POU6F2: variants seen among roughly 807,000 people sequenced by gnomAD.
POU6F2 encodes POU class 6 homeobox 2, also known as POU domain, class 6, transcription factor 2.
In POU6F2, 31 loss-of-function variants were observed where a neutral mutation model predicts 71.3. That is an observed-to-expected ratio of 0.43 (90% CI 0.33 to 0.59). POU6F2 has a LOEUF of 0.59. POU6F2 is among the 20% of genes least tolerant of loss of function. POU6F2 has a pLI of 0.04. For missense variants in POU6F2, 783 were observed against 856.8 expected (o/e 0.91, Z 1.07); for synonymous variants, 347 against 355.7 (o/e 0.98, Z 0.27).
chr7:39,122,758 A>T (rs71536629), intron 2 of POU6F2, among the ~76,000 whole-genome samples: 4,418 of 134,314 alleles, frequency 0.033, 94 homozygotes, highest in Middle Eastern at 0.11. Context: ...TCCAGGCTGG[A>T]GTACAGTAGC....
intron 5 of POU6F2, among the ~76,000 whole-genome samples, chr7:39,382,043 AAATAATAATAAT>A: frequency 6.6e-6 from 1 of 150,402 alleles, no homozygotes; most frequent in East Asian, 2.0e-4. Flanking sequence ...ACACACAAGC[AAATAATAATAAT>A]AATAATAATA....
Position 39,099,948 on chromosome 7 carries a change from A to G in POU6F2, c.277+13917A>G, listed in dbSNP as rs1159422748. ...AACGTAGCTTTCTCCATGAAAGCCA[A>G]AACTCAAGCTAGATGTAGAGAGCAT... On this transcript the variant is annotated intron_variant, in intron 2 of 9. Coordinates refer to ENST00000518318, the MANE Select transcript of POU6F2 (RefSeq NM_001370959.1). Among the ~76,000 whole-genome samples the G allele has an allele frequency of 5.9e-5, 9 of 152,222 alleles. 1 individual carries two copies.
At chr7:39,390,644 A>G (rs563497356) in intron 5 of POU6F2, among the ~76,000 whole-genome samples, 40 of 152,304 alleles carry the variant, frequency 2.6e-4, no homozygotes, top group African/African-American at 9.6e-4. Context: ...GCCAAGGTGG[A>G]TTACAAATTT....
intron 2 of POU6F2, among the ~76,000 whole-genome samples, chr7:39,183,734 C>G (rs1202893450): frequency 6.6e-6 from 1 of 152,220 alleles, no homozygotes; most frequent in East Asian, 1.9e-4. Flanking sequence ...CAATAATTCT[C>G]ACATTTCTTA....
chr7:39,137,532 C>T (rs564235130), intron 2 of POU6F2, among the ~76,000 whole-genome samples: 48 of 152,264 alleles, frequency 3.2e-4, no homozygotes, highest in African/African-American at 9.6e-4. Flanking sequence ...AAATATAACA[C>T]GTTGTTAACA....
At chr7:39,117,758 A>G (rs1406976792) in intron 2 of POU6F2, among the ~76,000 whole-genome samples, 1 of 152,140 alleles carries the variant, frequency 6.6e-6, no homozygotes, top group Non-Finnish European at 1.5e-5. Context: ...AAAACCTATA[A>G]AAAGCAGTCA....
intron 4 of POU6F2, among the ~76,000 whole-genome samples, chr7:39,272,387 G>C (rs775774753): frequency 6.6e-6 from 1 of 152,096 alleles, no homozygotes; most frequent in African/African-American, 2.4e-5. Context: ...GGGCCTTTCT[G>C]TCCTTCTTCC....
intron 3 of POU6F2, among the ~76,000 whole-genome samples, chr7:39,204,720 TA>T (rs1793973195): frequency 1.3e-5 from 2 of 152,204 alleles, no homozygotes; most frequent in African/African-American, 2.4e-5. Context: ...TGATTTAATA[TA>T]AAAAAGTTAA....
rs906122026 is a variant in POU6F2, at chr7:39,287,740, A to T, written c.599-51902A>T. Among the ~76,000 whole-genome samples the T allele has an allele frequency of 1.3e-5, 2 of 152,218 alleles. 1 individual carries two copies. The highest frequency in any genetic ancestry group is 1.3e-4 in the Admixed American group (2 of 15,274). ...TTCCCAGGTGCTTTGCTACTCCAAG[A>T]TCACCTGGAAGCTGGTAAGAAATGA... is the stretch of plus-strand genomic sequence containing the variant. On this transcript the variant is annotated intron_variant, in intron 4 of 9. Coordinates refer to ENST00000518318, the MANE Select transcript of POU6F2 (RefSeq NM_001370959.1).
At chr7:39,320,885 T>A (rs1435792480) in intron 4 of POU6F2, among the ~76,000 whole-genome samples, 1 of 151,986 alleles carries the variant, frequency 6.6e-6, no homozygotes, top group Admixed American at 6.6e-5. Context: ...TGAGACCCCA[T>A]CTCAACCAAA....
intron 6 of POU6F2, among the ~76,000 whole-genome samples, chr7:39,426,594 T>G (rs1316126866): frequency 6.6e-6 from 1 of 152,036 alleles, no homozygotes; most frequent in Non-Finnish European, 1.5e-5. Context: ...CTTCTTCTTC[T>G]CTCTCCCTCT....
At chr7:39,332,460 A>G (rs925905381) in intron 4 of POU6F2, among the ~76,000 whole-genome samples, 1 of 152,236 alleles carries the variant, frequency 6.6e-6, no homozygotes, top group African/African-American at 2.4e-5. Context: ...CTTTGTAAGA[A>G]AAAGTATGTA....
At position 39,339,660 on chromosome 7, in the gene POU6F2, CCCAGCTCCAGCAGCTCCAGCT is replaced by C. The variant is rs1386754861; in HGVS notation, c.632_652del (p.Leu211_Gln217del). ...CTTGTAGCTACCTCATCCCTGAACT[CCCAGCTCCAGCAGCTCCAGCT>C]CCAGCTCCAGCAGCAGCAGCAGCAG... On this transcript the variant is annotated inframe_deletion, in exon 5 of 10. Transcript: ENST00000518318. 8 of 1,596,708 alleles carry C rather than the reference CCCAGCTCCAGCAGCTCCAGCT, an allele frequency of 5.0e-6. No individual in the cohort carries two copies. Among genetic ancestry groups the C allele is most frequent in the Middle Eastern group, 1.7e-4 (1 of 6,046 alleles).
intron 2 of POU6F2, among the ~76,000 whole-genome samples, chr7:39,174,685 C>T (rs2128739928): frequency 6.6e-6 from 1 of 152,178 alleles, no homozygotes. Context: ...TCTCCTCAGT[C>T]CCCTCTCTCC....
intron 2 of POU6F2, among the ~76,000 whole-genome samples, chr7:39,178,565 A>C (rs1158915627): frequency 6.6e-6 from 1 of 152,188 alleles, no homozygotes; most frequent in African/African-American, 2.4e-5. Flanking sequence ...AGGCTGTATT[A>C]TTTTTAAATT....
At chr7:39,016,048 T>TGTATATTG (rs1562671280) in intron 1 of POU6F2, among the ~76,000 whole-genome samples, 10 of 49,090 alleles carry the variant, frequency 2.0e-4, no homozygotes, top group African/African-American at 2.9e-4. Context: ...TATTATATAT[T>TGTATATTG]ATATATATTA....
chr7:39,107,594 G>A (rs1791717812), intron 2 of POU6F2, among the ~76,000 whole-genome samples: 2 of 151,996 alleles, frequency 1.3e-5, no homozygotes. Flanking sequence ...ACTTAAACTG[G>A]GTAAATGGAG....
At chr7:39,071,981 T>A (rs1231268436) in intron 1 of POU6F2, among the ~76,000 whole-genome samples, 1 of 152,154 alleles carries the variant, frequency 6.6e-6, no homozygotes, top group Non-Finnish European at 1.5e-5. Context: ...AAATAAGTAC[T>A]CACAAGATTG....
chr7:39,415,364 G>C (rs1189211106), intron 6 of POU6F2, among the ~76,000 whole-genome samples: 1 of 152,200 alleles, frequency 6.6e-6, no homozygotes, highest in African/African-American at 2.4e-5. Flanking sequence ...GTTTTCCTGG[G>C]AATTGGGAAA....
Sources: allele counts gnomAD v4.1 joint callset (sites outside exome capture counted in the v4.1 genomes callset), GRCh38; gene constraint gnomAD v4.1.1; transcripts MANE v1.5; gene names NCBI Gene and HGNC (gene_info 2026-07-23, HGNC 2026-07-21).